The following DNAJC5B variants were observed in gnomAD, a reference collection of about 807,000 sequenced individuals.
DNAJC5B encodes dnaJ homolog subfamily C member 5B.
In DNAJC5B, 23 loss-of-function variants were observed where a neutral mutation model predicts 24.7. The ratio of observed to expected loss-of-function variants is 0.93; its 90% confidence interval spans 0.67 to 1.32. The LOEUF (loss-of-function observed/expected upper bound fraction) is 1.32. Among genes scored for constraint, DNAJC5B ranks in the 40% most tolerant of loss-of-function variants. The probability of loss-of-function intolerance (pLI) is 0.00; values close to 1 mark genes in which losing one functional copy is unlikely to be tolerated. For synonymous variants in DNAJC5B, 101 were observed against 90.1 expected, an observed-to-expected ratio of 1.12 and a Z score of -0.68; for missense variants, 238 against 240.8, an observed-to-expected ratio of 0.99 and a Z score of 0.08.
chr8:66,049,997 T>C (rs74793187), intron 2 of DNAJC5B, among the ~76,000 whole-genome samples: 11,344 of 152,242 alleles, frequency 0.075, 647 homozygotes, highest in African/African-American at 0.15. Flanking sequence ...TAGAGAAAAA[T>C]CGATAAAGCA....
At chr8:66,081,724 G>T (rs1460306453) in intron 5 of DNAJC5B, among the ~76,000 whole-genome samples, 1 of 152,118 alleles carries the variant, frequency 6.6e-6, no homozygotes, top group African/African-American at 2.4e-5. Flanking sequence ...AGGCTTGGGA[G>T]CTTAGAGAGG....
At chr8:66,085,164 G>A (rs2128965589) in intron 5 of DNAJC5B, among the ~76,000 whole-genome samples, 1 of 152,310 alleles carries the variant, frequency 6.6e-6, no homozygotes, top group East Asian at 1.9e-4. Context: ...CCAGGGCCGG[G>A]CACAGTGGCT....
At chr8:66,033,802 A>G (rs1806413641) in intron 1 of DNAJC5B, among the ~76,000 whole-genome samples, 1 of 142,696 alleles carries the variant, frequency 7.0e-6, no homozygotes, top group South Asian at 2.2e-4. Context: ...TTGGTAGCAT[A>G]AAGGGTAAAT....
At chr8:66,066,410 T>A (rs1807197197) in intron 3 of DNAJC5B, among the ~76,000 whole-genome samples, 1 of 152,126 alleles carries the variant, frequency 6.6e-6, no homozygotes, top group Non-Finnish European at 1.5e-5. Context: ...ACACAGTATA[T>A]CAAAAAGACA....
intron 3 of DNAJC5B, among the ~76,000 whole-genome samples, chr8:66,063,279 G>C (rs1401561568): frequency 1.3e-5 from 2 of 152,236 alleles, no homozygotes; most frequent in East Asian, 1.9e-4. Context: ...GCAGAAAAGA[G>C]TGCCATTTCC....
At chr8:66,059,305 T>A (rs572367887) in intron 3 of DNAJC5B, among the ~76,000 whole-genome samples, 2 of 152,264 alleles carry the variant, frequency 1.3e-5, no homozygotes, top group Non-Finnish European at 2.9e-5. Flanking sequence ...CCCCTTATCA[T>A]GCTGTCTGAA....
intron 5 of DNAJC5B, among the ~76,000 whole-genome samples, chr8:66,085,266 C>G (rs1339427737): frequency 6.6e-6 from 1 of 152,094 alleles, no homozygotes; most frequent in African/African-American, 2.4e-5. Context: ...ACAGTGAAAC[C>G]CTGTCTCTAC....
At chr8:66,036,581 G>T (rs1806489593) in intron 1 of DNAJC5B, among the ~76,000 whole-genome samples, 1 of 152,096 alleles carries the variant, frequency 6.6e-6, no homozygotes, top group South Asian at 2.1e-4. Flanking sequence ...GTGGCTGGGG[G>T]ACAGGCATCA....
chr8:66,099,245 G>A (rs1808021820), intron 5 of DNAJC5B, among the ~76,000 whole-genome samples: 4 of 152,016 alleles, frequency 2.6e-5, no homozygotes, highest in South Asian at 2.1e-4. Flanking sequence ...TCAGAACACA[G>A]AGGTATTGAA....
rs1807561511 is a variant in DNAJC5B at position 66,080,241 on chromosome 8, G to A, written c.334-136G>A. On this transcript the variant is annotated intron_variant, in intron 4 of 5. Transcript: ENST00000276570. ...GTTCTTATGTGGAGTAAGGATGAGG[G>A]TGAAGATGTGGCCTGTGGGGTGAAC... The A allele has an allele frequency of 1.7e-5, 21 of 1,269,286 alleles. No individual in the cohort carries two copies. The South Asian group carries it at 3.4e-4, about 20-fold the overall frequency. The allele number at this position is 1,269,286 out of a possible 1,614,324, so 78.6% of individuals were successfully genotyped here. A position where few individuals can be genotyped will look rare whatever the true frequency, so the allele number is the denominator to read the frequency against.
intron 5 of DNAJC5B, among the ~76,000 whole-genome samples, chr8:66,088,829 C>T (rs1807785373): frequency 6.6e-6 from 1 of 152,164 alleles, no homozygotes; most frequent in African/African-American, 2.4e-5. Flanking sequence ...TTGTTCATAT[C>T]ACTATCAGCA....
At chr8:66,075,060 T>G (rs767591509) in intron 3 of DNAJC5B, among the ~76,000 whole-genome samples, 2 of 152,052 alleles carry the variant, frequency 1.3e-5, no homozygotes, top group Middle Eastern at 3.4e-3. Context: ...TCCAGAGATT[T>G]CTTCCTTCCT....
intron 1 of DNAJC5B, among the ~76,000 whole-genome samples, chr8:66,034,507 C>T (rs530170974): frequency 6.6e-6 from 1 of 151,896 alleles, no homozygotes; most frequent in East Asian, 1.9e-4. Flanking sequence ...AGCAGATAGG[C>T]TTGGGGAGCT....
chr8:66,079,571 A>G (rs1298986696), intron 4 of DNAJC5B, among the ~76,000 whole-genome samples: 1 of 152,158 alleles, frequency 6.6e-6, no homozygotes, highest in Non-Finnish European at 1.5e-5. Flanking sequence ...CCACAGGGAG[A>G]GCAGAGTTAT....
At chr8:66,036,314 G>T (rs1433622235) in intron 1 of DNAJC5B, among the ~76,000 whole-genome samples, 1 of 152,142 alleles carries the variant, frequency 6.6e-6, no homozygotes, top group Non-Finnish European at 1.5e-5. Context: ...CTTTTGTCTT[G>T]ACCTAGCTGA....
chr8:66,053,523 C>T (rs1039700683), intron 3 of DNAJC5B, among the ~76,000 whole-genome samples: 3 of 152,070 alleles, frequency 2.0e-5, no homozygotes, highest in Admixed American at 1.3e-4. Context: ...CATAATCCTA[C>T]CTCCAGTAAT....
intron 4 of DNAJC5B, among the ~76,000 whole-genome samples, chr8:66,078,363 T>G (rs1470427843): frequency 3.3e-5 from 5 of 152,158 alleles, no homozygotes; most frequent in African/African-American, 1.2e-4. Flanking sequence ...AGCAATCATG[T>G]GATAAATATG....
chr8:66,028,246 G>T (rs1409192024), intron 1 of DNAJC5B, among the ~76,000 whole-genome samples: 2 of 152,108 alleles, frequency 1.3e-5, no homozygotes, highest in Admixed American at 6.5e-5. Flanking sequence ...CGGCACAACC[G>T]CTCTTCTCTT....
At chr8:66,049,099 T>C (rs1806790139) in intron 2 of DNAJC5B, among the ~76,000 whole-genome samples, 1 of 152,244 alleles carries the variant, frequency 6.6e-6, no homozygotes, top group South Asian at 2.1e-4. Context: ...TTTAGGCTTC[T>C]GAATAAATAC....
Sources: allele counts gnomAD v4.1 joint callset (sites outside exome capture counted in the v4.1 genomes callset), GRCh38; gene constraint gnomAD v4.1.1; transcripts MANE v1.5; gene names NCBI Gene and HGNC (gene_info 2026-07-23, HGNC 2026-07-21).